SMG7: variants seen among roughly 807,000 people sequenced by gnomAD.
The protein encoded by SMG7 is SMG7 nonsense mediated mRNA decay factor, also known as nonsense-mediated mRNA decay factor SMG7.
Under a neutral mutation model 148.2 loss-of-function variants are expected in SMG7, and 34 were observed. The observed-to-expected ratio is 0.23, with a 90% CI of 0.17 to 0.31. SMG7 has a LOEUF of 0.31. SMG7 is among the 10% of genes least tolerant of loss of function. SMG7 has a pLI of 1.00. For missense variants in SMG7, 1,114 were observed against 1,408.4 expected (o/e 0.79, Z 3.35); for synonymous variants, 492 against 515.1 (o/e 0.96, Z 0.61).
At chr1:183,547,339 C>G (rs1424948764) in intron 18 of SMG7, 87 bp downstream of exon 18, 2 of 1,244,558 alleles carry the variant, frequency 1.6e-6, no homozygotes, top group South Asian at 3.2e-5. Flanking sequence ...GTGATTTCTT[C>G]TCTTCCTGGG....
chr1:183,517,480 T>C lies in SMG7; in HGVS notation c.180-208T>C, dbSNP rs75670953. On this transcript the variant is annotated intron_variant, in intron 3 of 22. Transcript: ENST00000688051. ...TCTGATTATTCGAACATTTGGTAAGTGTTTACTAAGGTCAGTTGGATTCTA... is the reference window on the plus strand; with the variant it reads ...TCTGATTATTCGAACATTTGGTAAGCGTTTACTAAGGTCAGTTGGATTCTA... The C allele has an allele frequency of 1.2e-3, 681 of 584,850 alleles. 2 individuals are homozygous for C. Among genetic ancestry groups the C allele is most frequent in the African/African-American group, 0.012 (619 of 53,792 alleles). The allele number at this position is 584,850 out of a possible 1,614,324, so 36.2% of individuals were successfully genotyped here.
At chr1:183,499,997 G>A (rs1177680368) in intron 1 of SMG7, among the ~76,000 whole-genome samples, 8 of 151,984 alleles carry the variant, frequency 5.3e-5, no homozygotes, top group African/African-American at 1.7e-4. Flanking sequence ...AAGGTACAGG[G>A]GTTGTTGCAA....
chr1:183,498,857 A>G (rs1010987351), intron 1 of SMG7, among the ~76,000 whole-genome samples: 7 of 152,190 alleles, frequency 4.6e-5, no homozygotes, highest in African/African-American at 1.7e-4. Flanking sequence ...CCACCGTTGT[A>G]TAGTACAGAG....
intron 1 of SMG7, among the ~76,000 whole-genome samples, chr1:183,503,108 C>A (rs1660098753): frequency 6.6e-6 from 1 of 152,168 alleles, no homozygotes; most frequent in Admixed American, 6.5e-5. Context: ...GTTATGTGAC[C>A]TTGGGCAAGT....
chr1:183,486,211 G>C (rs1363890009), intron 1 of SMG7, among the ~76,000 whole-genome samples: 1 of 152,188 alleles, frequency 6.6e-6, no homozygotes, highest in Non-Finnish European at 1.5e-5. Context: ...CTGACACCCA[G>C]TAAATGTTGG....
At chr1:183,508,699 T>TGTCTAAA (rs1400286292) in intron 1 of SMG7, among the ~76,000 whole-genome samples, 1 of 152,178 alleles carries the variant, frequency 6.6e-6, no homozygotes, top group Non-Finnish European at 1.5e-5. Context: ...CCCTCCCACC[T>TGTCTAAA]GTCTAAATGG....
rs965326148 is a variant in SMG7 at position 183,533,909 on chromosome 1, C to G, written c.1163+77C>G. ...TCCATAAATATGTAAAAACTGCCTT[C>G]TAAAATACAACATTTGAACAATAGA... On this transcript the variant is annotated intron_variant, in intron 10 of 22. Transcript: ENST00000688051. 30 of 1,226,552 alleles carry G rather than the reference C, an allele frequency of 2.4e-5. No individual in the cohort carries two copies. In the African/African-American group the frequency reaches 4.2e-4, roughly 17 times the overall value. The allele number at this position is 1,226,552 out of a possible 1,614,324, so 76.0% of individuals were successfully genotyped here. A position where few individuals can be genotyped will look rare whatever the true frequency, so the allele number is the denominator to read the frequency against.
At chr1:183,546,370 G>A in intron 17 of SMG7, 33 bp downstream of exon 17, 1 of 1,582,086 alleles carries the variant, frequency 6.3e-7, no homozygotes, top group Non-Finnish European at 8.6e-7. Flanking sequence ...AGGCAATTTG[G>A]AGATAGGTCT....
intron 15 of SMG7, 40 bp downstream of exon 15, chr1:183,544,537 G>T: frequency 6.3e-7 from 1 of 1,596,244 alleles, no homozygotes; most frequent in South Asian, 1.1e-5. Context: ...AATCTTTTCT[G>T]TGCAAGAATT....
chr1:183,519,345 A>G (rs1664245889), intron 4 of SMG7, among the ~76,000 whole-genome samples: 1 of 152,052 alleles, frequency 6.6e-6, no homozygotes, highest in Non-Finnish European at 1.5e-5. Flanking sequence ...ATTTATGCCA[A>G]CTTTTAGCAG....
intron 1 of SMG7, among the ~76,000 whole-genome samples, chr1:183,506,875 C>CTTT (rs71130622): frequency 3.5e-4 from 39 of 111,798 alleles, no homozygotes; most frequent in South Asian, 6.0e-4. Flanking sequence ...ACTATATATT[C>CTTT]TTTTTTTTTT....
At position 183,533,852 on chromosome 1, in the gene SMG7, C is replaced by T; in HGVS notation, c.1163+20C>T. On this transcript the variant is annotated intron_variant, in intron 10 of 22. Transcript: ENST00000688051. ...ACAGTAGTAAGTATTTTTAGAATTT[C>T]ATGTTAACTTGTGTGCTTTGTTTGT... 6.3e-7 allele frequency: 1 copy of T among 1,585,238 alleles called. No homozygotes were observed. The highest frequency in any genetic ancestry group is 8.6e-7 in the Non-Finnish European group (1 of 1,160,674).
chr1:183,529,063 T>A (rs982541216), intron 7 of SMG7, 21 bp downstream of exon 7: 1 of 1,582,250 alleles, frequency 6.3e-7, no homozygotes, highest in Non-Finnish European at 8.5e-7. Flanking sequence ...TTGGTTTTTT[T>A]TTTCTCTTTC....
intron 1 of SMG7, among the ~76,000 whole-genome samples, chr1:183,503,745 A>G (rs997479183): frequency 3.3e-5 from 5 of 152,184 alleles, no homozygotes; most frequent in Non-Finnish European, 7.4e-5. Context: ...CCTTATTCAA[A>G]TGATCATTTA....
At chr1:183,486,193 G>A (rs1478827753) in intron 1 of SMG7, among the ~76,000 whole-genome samples, 2 of 152,160 alleles carry the variant, frequency 1.3e-5, no homozygotes, top group Non-Finnish European at 2.9e-5. Flanking sequence ...GACAACCTTA[G>A]AACCATACTG....
rs1671307516 is a variant in SMG7 at position 183,553,054 on chromosome 1, C to T, written c.*1123C>T. 6.5e-7 allele frequency: 1 copy of T among 1,536,104 alleles called. No individual in the cohort carries two copies. Among genetic ancestry groups the T allele is most frequent in the Non-Finnish European group, 8.7e-7 (1 of 1,146,938 alleles). ...AAGGAAGCAGCAGTATCTGCGTAGC[C>T]CACAGAGGGCCCAGGCCCCTGCCCA... On this transcript the variant is annotated 3_prime_UTR_variant, in exon 23 of 23. Transcript: ENST00000688051.
In SMG7 at chr1:183,537,196, G is replaced by C; in HGVS notation, c.1215G>C (p.Glu405Asp). The C allele has an allele frequency of 6.2e-7, 1 of 1,612,400 alleles. No homozygotes were observed. The highest frequency in any genetic ancestry group is 8.5e-7 in the Non-Finnish European group (1 of 1,178,570). ...TGAATAGTTTCCATCCCCATGAAGA[G>C]GACCTCTCAAGTATTAGTGGTAAGG... is the stretch of plus-strand genomic sequence containing the variant. ...SLLNSFHPHE[E>D]DLSSISATPL... Residue 405 changes from glutamate (E) to aspartate (D), a missense_variant, in exon 11 of 23, where the codon GAG becomes GAC. Physicochemically the swap from Glu to Asp is conservative, Grantham distance 45 (BLOSUM62 2). Around this residue, in one of 4 missense-constraint regions of SMG7, gnomAD observed 102 missense variants for 147.2 expected, o/e 0.69. Transcript: ENST00000688051.
intron 1 of SMG7, among the ~76,000 whole-genome samples, chr1:183,492,577 C>T (rs747928969): frequency 6.6e-6 from 1 of 152,140 alleles, no homozygotes; most frequent in Non-Finnish European, 1.5e-5. Context: ...CAGTTTCTAA[C>T]GAAAACAATC....
intron 7 of SMG7, 45 bp from the exon 8 acceptor site, chr1:183,529,353 C>A: frequency 6.3e-7 from 1 of 1,598,872 alleles, no homozygotes; most frequent in South Asian, 1.1e-5. Flanking sequence ...CAGTTGTAGC[C>A]AATTTGCTGC....
Sources: gnomAD v4.1 joint callset for allele counts (sites outside exome capture counted in the v4.1 genomes callset) on GRCh38, gnomAD v4.1.1 for gene constraint, gnomAD v4.1.1 regional missense constraint, MANE v1.5 for transcripts, NCBI Gene and HGNC (gene_info 2026-07-23, HGNC 2026-07-21) for gene names.